Variants in ATP2B3 observed in about 807,000 individuals in gnomAD.
The protein encoded by ATP2B3 is plasma membrane calcium-transporting ATPase 3.
Under a neutral mutation model 70.8 loss-of-function variants are expected in ATP2B3, and 12 were observed. That is an observed-to-expected ratio of 0.17 (90% CI 0.11 to 0.27). The LOEUF is 0.27. Among genes scored for constraint, ATP2B3 ranks in the 10% least tolerant of loss-of-function variants. ATP2B3 has a pLI of 1.00. For synonymous variants in ATP2B3, 460 were observed against 497.8 expected (o/e 0.92, Z 1.01); for missense variants, 858 against 1,118.5 (o/e 0.77, Z 3.32).
chrX:153,571,002 G>GCA (rs782372965), intron 21 of ATP2B3, among the ~76,000 whole-genome samples: 1,613 of 26,744 alleles, frequency 0.06, 37 homozygotes, highest in African/African-American at 0.11. Flanking sequence ...ACGTGCGCGC[G>GCA]TACACACACA....
In ATP2B3 at chrX:153,557,807, G is replaced by A. The variant is rs370111521; in HGVS notation, c.2434-305G>A. 7.3e-5 allele frequency among the ~76,000 whole-genome samples: 8 copies of A among 110,030 alleles called. No individual in the cohort carries two copies. In the East Asian group the frequency reaches 1.7e-3, roughly 24 times the overall value. ...ACAGACCACGCTGCTTGGTGGCCAC[G>A]TGGTGGCAGCTGGGCTTTATGTGTA... is the stretch of plus-strand genomic sequence containing the variant. On this transcript the variant is annotated intron_variant, in intron 16 of 21. Transcript: ENST00000263519.
chrX:153,532,107 C>T (rs782281776), intron 2 of ATP2B3, among the ~76,000 whole-genome samples: 2 of 112,354 alleles, frequency 1.8e-5, no homozygotes, highest in Non-Finnish European at 3.8e-5. Context: ...CCTCAGTTTC[C>T]CCCTCTGTAA....
At chrX:153,553,387 C>T (rs2090487423) in intron 13 of ATP2B3, 118 bp downstream of exon 13, 2 of 606,456 alleles carry the variant, frequency 3.3e-6, no homozygotes, top group East Asian at 3.6e-5. Flanking sequence ...CCGTAGTACA[C>T]TTGAGCCCCG....
chrX:153,553,399 C>T (rs781999981), intron 13 of ATP2B3, 130 bp downstream of exon 13: 249 of 545,334 alleles, frequency 4.6e-4, no homozygotes, highest in Middle Eastern at 1.6e-3. Context: ...TGAGCCCCGT[C>T]CTGGGTGCTC....
intron 9 of ATP2B3, among the ~76,000 whole-genome samples, 178 bp downstream of exon 9, chrX:153,548,177 C>T (rs905124925): frequency 8.9e-6 from 1 of 112,822 alleles, no homozygotes; most frequent in African/African-American, 3.2e-5. Flanking sequence ...CCTGGCGCAG[C>T]CCTTCCCTAG....
At chrX:153,552,645 C>G (rs1557011931) in intron 12 of ATP2B3, among the ~76,000 whole-genome samples, 3 of 112,691 alleles carry the variant, frequency 2.7e-5, no homozygotes, top group Non-Finnish European at 1.9e-5. Context: ...GCCTCCCTCC[C>G]GGTCTCTCAG....
chrX:153,527,453 T>A (rs55751614), intron 2 of ATP2B3, among the ~76,000 whole-genome samples: 13,700 of 112,804 alleles, frequency 0.12, 667 homozygotes, highest in African/African-American at 0.16. Flanking sequence ...CTCACGCTGC[T>A]ATGCAGCTCG....
At chrX:153,549,457 A>G (rs782505657) in intron 10 of ATP2B3, 40 bp from the exon 11 acceptor site, 1 of 1,207,414 alleles carries the variant, frequency 8.3e-7, no homozygotes, top group Non-Finnish European at 1.1e-6. Context: ...CCACCCCAAC[A>G]AGCACCTGGG....
intron 8 of ATP2B3, among the ~76,000 whole-genome samples, chrX:153,547,188 G>A (rs1316469210): frequency 9.0e-6 from 1 of 111,087 alleles, no homozygotes; most frequent in Non-Finnish European, 1.9e-5. Context: ...TTGGCAGGGA[G>A]GGAGATGAGG....
At chrX:153,546,563 C>T (rs1263070376) in intron 8 of ATP2B3, among the ~76,000 whole-genome samples, 1 of 113,305 alleles carries the variant, frequency 8.8e-6, no homozygotes, top group African/African-American at 3.2e-5. Context: ...CGGCTGAGGG[C>T]CAGAGGCCCG....
chrX:153,544,705 A>G (rs1453458450), intron 7 of ATP2B3, among the ~76,000 whole-genome samples: 2 of 111,135 alleles, frequency 1.8e-5, no homozygotes, highest in Non-Finnish European at 3.8e-5. Flanking sequence ...TTCTACCTGC[A>G]CCCAACCCCC....
chrX:153,560,785 C>T lies in ATP2B3; in HGVS notation c.2949C>T (p.Asn983=), dbSNP rs139886039. 2.1e-4 allele frequency: 252 copies of T among 1,210,563 alleles called. 1 individual carries two copies. The African/African-American group carries it at 4.1e-3, about 20-fold the overall frequency. Residue 983 remains asparagine (N), a synonymous_variant, in exon 19 of 22, where the codon AAC becomes AAT. Coordinates refer to ENST00000263519, the MANE Select transcript of ATP2B3 (RefSeq NM_001001344.3). The part of the protein sequence containing the change: ...FNTFVMMQLF[N]EINARKIHGE... ...CGTTCGTCATGATGCAGCTCTTTAA[C>T]GAGATCAACGCCCGCAAGATCCACG... is the stretch of plus-strand genomic sequence containing the variant.
At chrX:153,537,655 C>T (rs2090213243) in intron 3 of ATP2B3, among the ~76,000 whole-genome samples, 4 of 112,350 alleles carry the variant, frequency 3.6e-5, no homozygotes, top group South Asian at 3.7e-4. Flanking sequence ...CACGCCCTCA[C>T]GGTGCAGCTG....
At chrX:153,558,034 G>A in intron 16 of ATP2B3, 78 bp from the exon 17 acceptor site, 1 of 1,049,475 alleles carries the variant, frequency 9.5e-7, no homozygotes, top group Non-Finnish European at 1.3e-6. Context: ...GCCAGCCCAG[G>A]CGGGCCAGGT....
intron 20 of ATP2B3, among the ~76,000 whole-genome samples, chrX:153,564,688 TC>T (rs782293154): frequency 3.8e-4 from 43 of 113,129 alleles, no homozygotes; most frequent in Non-Finnish European, 6.7e-4. Flanking sequence ...GGCCCAGAGC[TC>T]CACGTACTCC....
chrX:153,554,143 C>T (rs782771035), intron 13 of ATP2B3, among the ~76,000 whole-genome samples: 4 of 113,862 alleles, frequency 3.5e-5, no homozygotes, highest in African/African-American at 9.5e-5. Flanking sequence ...CCCCGTGCCC[C>T]GAGGAGAACA....
intron 21 of ATP2B3, chrX:153,569,931 A>G (rs2090763940): frequency 5.8e-6 from 3 of 513,879 alleles, no homozygotes; most frequent in Non-Finnish European, 9.3e-6. Context: ...CGAAAGCCAT[A>G]TTCTTTTATG....
chrX:153,524,621 G>A (rs1313247772), intron 2 of ATP2B3, among the ~76,000 whole-genome samples: 4 of 111,801 alleles, frequency 3.6e-5, no homozygotes, highest in African/African-American at 1.3e-4. Flanking sequence ...CCCATCTCTA[G>A]TAGCAAATCG....
rs782536120 is a variant in ATP2B3, at chrX:153,530,817, G to T, written c.-126-5305G>T. 2.2e-4 allele frequency among the ~76,000 whole-genome samples: 24 copies of T among 111,557 alleles called. No individual in the cohort carries two copies. In the East Asian group the frequency reaches 6.8e-3, roughly 32 times the overall value. On this transcript the variant is annotated intron_variant, in intron 2 of 21. Coordinates refer to ENST00000263519, the MANE Select transcript of ATP2B3 (RefSeq NM_001001344.3). ...AAGGAACAGAGCACTGGGGGCCGGT[G>T]GGGGGCAGAGGGGGAGCCTGTCCCT...
Sources: gnomAD v4.1 joint callset for allele counts (sites outside exome capture counted in the v4.1 genomes callset) on GRCh38, gnomAD v4.1.1 for gene constraint, MANE v1.5 for transcripts, NCBI Gene and HGNC (gene_info 2026-07-23, HGNC 2026-07-21) for gene names.